ZBBX: variants seen among roughly 807,000 people sequenced by gnomAD.
ZBBX encodes the protein zinc finger B-box domain-containing protein 1.
In ZBBX, 101 loss-of-function variants were observed where a neutral mutation model predicts 108.5. The observed-to-expected ratio is 0.93, with a 90% CI of 0.79 to 1.10. The LOEUF is 1.10. Ranked by LOEUF, ZBBX falls within the 50% of genes least tolerant of loss-of-function variation. ZBBX has a pLI of 0.00. For missense variants in ZBBX, 1,009 were observed against 941.4 expected (o/e 1.07, Z -0.94); for synonymous variants, 356 against 323.4 (o/e 1.10, Z -1.08).
At chr3:167,313,710 C>A (rs1174400844) in intron 16 of ZBBX, among the ~76,000 whole-genome samples, 1 of 152,136 alleles carries the variant, frequency 6.6e-6, no homozygotes, top group Non-Finnish European at 1.5e-5. Flanking sequence ...GAAAGGCCTT[C>A]CATGTAATCT....
rs11388868 is a variant in ZBBX at position 167,298,890 on chromosome 3, G to GA, written c.1726-433dup. Among the ~76,000 whole-genome samples the GA allele has an allele frequency of 6.8e-3, 1,023 of 150,148 alleles. 7 individuals are homozygous for GA. The highest frequency in any genetic ancestry group is 0.02 in the African/African-American group (835 of 41,028). On this transcript the variant is annotated intron_variant, in intron 17 of 21. Transcript: ENST00000675490. ...ACTATCTGCCCTGACAATGGTCATG[G>GA]AAAAAAAAATGTAAGTTAACAAAAC...
intron 6 of ZBBX, 101 bp from the exon 7 acceptor site, chr3:167,360,824 G>A (rs1192021325): frequency 2.5e-5 from 14 of 556,730 alleles, no homozygotes; most frequent in East Asian, 1.5e-4. Flanking sequence ...GGTGCTTTTC[G>A]AACAAAAATT....
intron 10 of ZBBX, 83 bp from the exon 11 acceptor site, chr3:167,328,199 T>A: frequency 3.6e-6 from 5 of 1,389,552 alleles, no homozygotes; most frequent in Non-Finnish European, 3.9e-6. Context: ...AAATTCTGTG[T>A]TTTAAAATAC....
Position 167,242,629 on chromosome 3 carries a change from G to A in ZBBX, c.2269C>T (p.Leu757Phe), listed in dbSNP as rs779601131. Residue 757 changes from leucine to phenylalanine, a missense_variant, in exon 21 of 22, where the codon CTT becomes TTT. Transcript: ENST00000675490. ...AACTCTTCTGAGGTTAAGCTGTAAA[G>A]CTTTTCTGAAGTATCTGAAATATTT... ...LRSLADTSEKLYSLTSEEFPD... is the reference protein window; with the variant it reads ...LRSLADTSEKFYSLTSEEFPD... The A allele has an allele frequency of 1.2e-6, 2 of 1,610,470 alleles. No individual in the cohort carries two copies. The highest frequency in any genetic ancestry group is 1.7e-6 in the Non-Finnish European group (2 of 1,178,952).
intron 1 of ZBBX, among the ~76,000 whole-genome samples, chr3:167,397,855 C>CA (rs34314883): frequency 1.4e-3 from 202 of 141,160 alleles, no homozygotes; most frequent in Admixed American, 2.4e-3. Flanking sequence ...AACTCACTTG[C>CA]AAAAAAAAAA....
the ZBBX span, among the ~76,000 whole-genome samples, chr3:167,211,096 C>T: frequency 6.6e-6 from 1 of 152,136 alleles, no homozygotes; most frequent in African/African-American, 2.4e-5. Flanking sequence ...TTGGAATTAA[C>T]CGAGGAAACA....
In ZBBX at chr3:167,368,335, G is replaced by A. The variant is rs986690724; in HGVS notation, c.182+126C>T. Reference sequence around the variant, plus strand: ...AAATAGAAGGCCTTTGCTATTGCTCGTTCATCAGGAAAAGTCAGAAATTAT... The same window carrying A: ...AAATAGAAGGCCTTTGCTATTGCTCATTCATCAGGAAAAGTCAGAAATTAT... On this transcript the variant is annotated intron_variant, in intron 5 of 21. Transcript: ENST00000675490. 105 of 695,900 alleles carry A rather than the reference G, an allele frequency of 1.5e-4. No homozygotes were observed. In the Admixed American group the frequency reaches 1.6e-3, roughly 10 times the overall value. The allele number at this position is 695,900 out of a possible 1,614,324, so 43.1% of individuals were successfully genotyped here. A position where few individuals can be genotyped will look rare whatever the true frequency, so the allele number is the denominator to read the frequency against.
At chr3:167,232,400 G>A in the ZBBX span, among the ~76,000 whole-genome samples, 1 of 151,810 alleles carries the variant, frequency 6.6e-6, no homozygotes, top group Non-Finnish European at 1.5e-5. Context: ...ATAGCAGGAA[G>A]AGGCACATCC....
intron 20 of ZBBX, among the ~76,000 whole-genome samples, chr3:167,245,281 C>T (rs1178263896): frequency 6.6e-6 from 1 of 152,050 alleles, no homozygotes; most frequent in African/African-American, 2.4e-5. Flanking sequence ...GGCATGGTAG[C>T]GGACCCGGGA....
At chr3:167,205,397 AC>A in the ZBBX span, among the ~76,000 whole-genome samples, 1 of 152,116 alleles carries the variant, frequency 6.6e-6, no homozygotes, top group Non-Finnish European at 1.5e-5. Context: ...AAAATAAAAC[AC>A]TAAAGAAGAG....
intron 5 of ZBBX, among the ~76,000 whole-genome samples, chr3:167,367,493 A>T (rs1406517531): frequency 6.6e-6 from 1 of 151,742 alleles, no homozygotes; most frequent in Non-Finnish European, 1.5e-5. Context: ...TTCTTATCAC[A>T]TCAATGCATT....
At chr3:167,223,828 G>A in the ZBBX span, among the ~76,000 whole-genome samples, 2 of 151,862 alleles carry the variant, frequency 1.3e-5, no homozygotes, top group African/African-American at 4.8e-5. Context: ...CGAGCCCCAA[G>A]ATTCAATTTT....
chr3:167,218,424 G>A, the ZBBX span, among the ~76,000 whole-genome samples: 1 of 152,090 alleles, frequency 6.6e-6, no homozygotes, highest in African/African-American at 2.4e-5. Context: ...AACCTTTCAA[G>A]ACATAGTACA....
the ZBBX span, among the ~76,000 whole-genome samples, chr3:167,204,987 T>C: frequency 6.7e-6 from 1 of 149,890 alleles, no homozygotes; most frequent in Non-Finnish European, 1.5e-5. Context: ...ATGGAGAAGA[T>C]GAGAAGAGAA....
chr3:167,255,688 G>A, intron 20 of ZBBX, among the ~76,000 whole-genome samples: 1 of 151,912 alleles, frequency 6.6e-6, no homozygotes, highest in Middle Eastern at 3.4e-3. Flanking sequence ...GTACAAAGTA[G>A]GTATATATAT....
At chr3:167,201,189 A>G in the ZBBX span, among the ~76,000 whole-genome samples, 1 of 152,154 alleles carries the variant, frequency 6.6e-6, no homozygotes, top group Admixed American at 6.5e-5. Context: ...CCAAATGTAC[A>G]GTAGCTGAAA....
intron 20 of ZBBX, among the ~76,000 whole-genome samples, chr3:167,250,338 G>A (rs533611025): frequency 3.3e-5 from 5 of 152,114 alleles, no homozygotes; most frequent in East Asian, 3.9e-4. Flanking sequence ...TAAAAGATAC[G>A]GCAAGAACAG....
intron 3 of ZBBX, among the ~76,000 whole-genome samples, chr3:167,373,314 G>C (rs1046821312): frequency 6.6e-6 from 1 of 152,130 alleles, no homozygotes; most frequent in Admixed American, 6.6e-5. Context: ...CTAGGATTTT[G>C]GTGTTTGCAG....
intron 18 of ZBBX, among the ~76,000 whole-genome samples, chr3:167,296,689 A>G (rs2108167266): frequency 6.6e-6 from 1 of 152,186 alleles, no homozygotes; most frequent in East Asian, 1.9e-4. Context: ...GACTTATGCA[A>G]TGAAAACTAT....
Sources: gnomAD v4.1 joint callset for allele counts (sites outside exome capture counted in the v4.1 genomes callset) on GRCh38, gnomAD v4.1.1 for gene constraint, MANE v1.5 for transcripts, NCBI Gene and HGNC (gene_info 2026-07-23, HGNC 2026-07-21) for gene names.